TOM1L1: variants seen among roughly 807,000 people sequenced by gnomAD.
TOM1L1 encodes the protein target of myb1 like 1 membrane trafficking protein, also known as TOM1-like protein 1.
In TOM1L1, 64 loss-of-function variants were observed where a neutral mutation model predicts 63.4. That is an observed-to-expected ratio of 1.01 (90% CI 0.83 to 1.24). TOM1L1 has a LOEUF of 1.24. Ranked by LOEUF, TOM1L1 falls within the 50% of genes most tolerant of loss-of-function variation. The probability of loss-of-function intolerance (pLI) is 0.00; values close to 1 mark genes in which losing one functional copy is unlikely to be tolerated. For synonymous variants in TOM1L1, 166 were observed against 194.4 expected (o/e 0.85, Z 1.22); for missense variants, 536 against 567.0 (o/e 0.95, Z 0.55).
chr17:54,956,798 G>C (rs892592732), intron 14 of TOM1L1: 15 of 152,276 alleles, frequency 9.9e-5, no homozygotes, highest in African/African-American at 3.4e-4. Context: ...TAAAGCACCG[G>C]GCATAGTCTC....
At chr17:54,938,790 A>G in intron 10 of TOM1L1, 134 bp from the exon 11 acceptor site, 1 of 525,858 alleles carries the variant, frequency 1.9e-6, no homozygotes, top group Non-Finnish European at 3.3e-6. Context: ...ATCTAAATTA[A>G]TCTCTTTTAT....
intron 8 of TOM1L1, among the ~76,000 whole-genome samples, chr17:54,930,833 C>A (rs2048846523): frequency 6.6e-6 from 1 of 151,860 alleles, no homozygotes; most frequent in African/African-American, 2.4e-5. Flanking sequence ...TAGAGTGAGA[C>A]TCTGTCTCAA....
At chr17:54,958,748 A>AAAAAAAAAAAGGG (rs372776781) in intron 14 of TOM1L1, among the ~76,000 whole-genome samples, 4 of 118,956 alleles carry the variant, frequency 3.4e-5, no homozygotes, top group Non-Finnish European at 6.9e-5. Context: ...AAAAAAAAAA[A>AAAAAAAAAAAGGG]GGGGTTGTTG....
At chr17:54,944,122 T>G (rs1205334970) in intron 11 of TOM1L1, among the ~76,000 whole-genome samples, 1 of 151,898 alleles carries the variant, frequency 6.6e-6, no homozygotes, top group Admixed American at 6.6e-5. Context: ...ATGCTGTAAT[T>G]TTTGCTTACA....
chr17:54,901,791 A>G (rs1214521239), intron 1 of TOM1L1, among the ~76,000 whole-genome samples: 1 of 152,152 alleles, frequency 6.6e-6, no homozygotes, highest in Non-Finnish European at 1.5e-5. Context: ...TCACAGCTCT[A>G]CTAACTGCTG....
At chr17:54,939,365 A>G (rs1341533073) in intron 11 of TOM1L1, among the ~76,000 whole-genome samples, 2 of 152,186 alleles carry the variant, frequency 1.3e-5, no homozygotes, top group Non-Finnish European at 2.9e-5. Context: ...TAAGCCTTCA[A>G]TAAATTGTCT....
At chr17:54,916,848 T>G (rs573420435) in intron 7 of TOM1L1, 1 of 152,284 alleles carries the variant, frequency 6.6e-6, no homozygotes, top group South Asian at 2.1e-4. Context: ...GGTGCAAACT[T>G]TGAGTGCTTG....
intron 14 of TOM1L1, chr17:54,958,126 G>A (rs1409286421): frequency 7.0e-6 from 1 of 143,320 alleles, no homozygotes; most frequent in African/African-American, 2.4e-5. Flanking sequence ...GCACATTCAA[G>A]GAAATGGAAA....
At chr17:54,923,143 A>T (rs1050470694) in intron 7 of TOM1L1, among the ~76,000 whole-genome samples, 3 of 152,222 alleles carry the variant, frequency 2.0e-5, no homozygotes, top group Admixed American at 6.5e-5. Context: ...TCATTAATAG[A>T]CATTTAGGTT....
In TOM1L1 at chr17:54,936,802, G is replaced by A. The variant is rs1598040225; in HGVS notation, c.915+93G>A. 1.8e-5 allele frequency: 20 copies of A among 1,088,116 alleles called. No homozygotes were observed. The East Asian group carries it at 4.7e-4, about 25-fold the overall frequency. The allele number at this position is 1,088,116 out of a possible 1,614,324, so 67.4% of individuals were successfully genotyped here. A position where few individuals can be genotyped will look rare whatever the true frequency, so the allele number is the denominator to read the frequency against. On this transcript the variant is annotated intron_variant, in intron 9 of 15. Transcript: ENST00000575882. ...TTACCTAAAACAAGTCTTAAAAAGAGGAAGATATGCATTCATAATTTGGAG... is the reference window on the plus strand; with the variant it reads ...TTACCTAAAACAAGTCTTAAAAAGAAGAAGATATGCATTCATAATTTGGAG...
intron 7 of TOM1L1, among the ~76,000 whole-genome samples, chr17:54,923,271 G>A (rs1057210133): frequency 1.3e-5 from 2 of 152,062 alleles, no homozygotes; most frequent in South Asian, 2.1e-4. Flanking sequence ...TTGCTGGGTC[G>A]TATAGTAACT....
rs1034197824 is a variant in TOM1L1 at position 54,960,345 on chromosome 17, A to G, written c.1371-221A>G. 2.6e-5 allele frequency among the ~76,000 whole-genome samples: 4 copies of G among 152,046 alleles called. No individual in the cohort carries two copies. In the East Asian group the frequency reaches 7.7e-4, roughly 29 times the overall value. Reference sequence around the variant, plus strand: ...GCACCATTGCACTCCAGCCTGGACAAAAGAGTGAGACTCTGTCTCAAAAAA... The same window carrying G: ...GCACCATTGCACTCCAGCCTGGACAGAAGAGTGAGACTCTGTCTCAAAAAA... On this transcript the variant is annotated intron_variant, in intron 14 of 15. Transcript: ENST00000575882.
chr17:54,919,987 T>TTTAC (rs1175723555), intron 7 of TOM1L1, among the ~76,000 whole-genome samples: 1 of 151,336 alleles, frequency 6.6e-6, no homozygotes, highest in Non-Finnish European at 1.5e-5. Context: ...TTTTTATTGA[T>TTTAC]TTATTTATTT....
At position 54,950,100 on chromosome 17, in the gene TOM1L1, T is replaced by C. The variant is rs753796794; in HGVS notation, c.1344T>C (p.Asp448=). The C allele has an allele frequency of 6.2e-7, 1 of 1,613,740 alleles. No homozygotes were observed. The highest frequency in any genetic ancestry group is 8.5e-7 in the Non-Finnish European group (1 of 1,179,694). Reference sequence around the variant, plus strand: ...ATTACTACGAGGTAATGGAGTTTGATCCCTTAGCTCCTGCTGTCACTACAG... The same window carrying C: ...ATTACTACGAGGTAATGGAGTTTGACCCCTTAGCTCCTGCTGTCACTACAG... ...PPNYYEVMEF[D]PLAPAVTTEA... Residue 448 remains aspartate (D), a synonymous_variant, in exon 14 of 16, where the codon GAT becomes GAC. Transcript: ENST00000575882.
At position 54,916,071 on chromosome 17, in the gene TOM1L1, A is replaced by T. The variant is rs74965835; in HGVS notation, c.720+209A>T. 139 of 471,054 alleles carry T rather than the reference A, an allele frequency of 3.0e-4. No individual in the cohort carries two copies. In the East Asian group the frequency reaches 4.4e-3, roughly 15 times the overall value. The allele number at this position is 471,054 out of a possible 1,614,324, so 29.2% of individuals were successfully genotyped here. ...TTAGACATGGTTTTTAGCCTCTTGCAACAAATAATTTATTATAAGTTATAA... is the reference window on the plus strand; with the variant it reads ...TTAGACATGGTTTTTAGCCTCTTGCTACAAATAATTTATTATAAGTTATAA... On this transcript the variant is annotated intron_variant, in intron 7 of 15. Coordinates refer to ENST00000575882, the MANE Select transcript of TOM1L1 (RefSeq NM_005486.3).
intron 3 of TOM1L1, among the ~76,000 whole-genome samples, chr17:54,908,804 A>G (rs1340001902): frequency 6.6e-6 from 1 of 152,246 alleles, no homozygotes; most frequent in East Asian, 1.9e-4. Context: ...TCAAATGGAA[A>G]GTGGTCGAAC....
At chr17:54,902,698 C>T (rs2048347483) in intron 1 of TOM1L1, among the ~76,000 whole-genome samples, 1 of 152,194 alleles carries the variant, frequency 6.6e-6, no homozygotes, top group South Asian at 2.1e-4. Context: ...CTCCATTTCC[C>T]CCAGAACCCG....
At chr17:54,954,445 G>C (rs1182719857) in intron 14 of TOM1L1, 3 of 152,250 alleles carry the variant, frequency 2.0e-5, no homozygotes. Context: ...CCCACTATGA[G>C]TGGTGCTCCC....
intron 11 of TOM1L1, among the ~76,000 whole-genome samples, chr17:54,943,602 C>T (rs560328988): frequency 2.2e-4 from 33 of 151,840 alleles, no homozygotes; most frequent in Middle Eastern, 3.4e-3. Flanking sequence ...TACACACACA[C>T]ATATATATAA....
Sources: gnomAD v4.1 joint callset for allele counts (sites outside exome capture counted in the v4.1 genomes callset) on GRCh38, gnomAD v4.1.1 for gene constraint, MANE v1.5 for transcripts, NCBI Gene and HGNC (gene_info 2026-07-23, HGNC 2026-07-21) for gene names.